Variants in EVL observed in about 807,000 individuals in gnomAD.
EVL encodes the protein ena/VASP-like protein.
In EVL, 21 loss-of-function variants were observed where a neutral mutation model predicts 59.6. That is an observed-to-expected ratio of 0.35 (90% CI 0.25 to 0.51). EVL has a LOEUF of 0.51. EVL is among the 20% of genes least tolerant of loss of function. The probability of loss-of-function intolerance (pLI) is 0.97; values close to 1 mark genes in which losing one functional copy is unlikely to be tolerated. For synonymous variants in EVL, 198 were observed against 203.5 expected (o/e 0.97, Z 0.23); for missense variants, 462 against 546.6 (o/e 0.85, Z 1.54).
At chr14:100,006,469 T>C (rs984838818) in intron 1 of EVL, among the ~76,000 whole-genome samples, 7 of 151,872 alleles carry the variant, frequency 4.6e-5, no homozygotes, top group Non-Finnish European at 7.4e-5. Flanking sequence ...GTATTTTTAG[T>C]AGAGATGGGG....
intron 1 of EVL, among the ~76,000 whole-genome samples, chr14:99,983,580 G>T (rs768054931): frequency 2.6e-5 from 4 of 152,130 alleles, no homozygotes; most frequent in African/African-American, 9.7e-5. Context: ...TCTTTAAAAG[G>T]TTCCAGCACT....
chr14:100,061,387 G>A (rs1413635855), upstream of EVL, among the ~76,000 whole-genome samples: 3 of 98,950 alleles, frequency 3.0e-5, no homozygotes, highest in Non-Finnish European at 3.6e-5. Context: ...TTGGGTGACA[G>A]AGCAAGACCC....
chr14:100,039,731 C>T (rs2061439039), intron 1 of EVL, among the ~76,000 whole-genome samples: 1 of 152,108 alleles, frequency 6.6e-6, no homozygotes, highest in South Asian at 2.1e-4. Context: ...TATATCTTCA[C>T]CCACTCTGTT....
chr14:100,047,841 G>T (rs1208507235), intron 1 of EVL, among the ~76,000 whole-genome samples: 1 of 152,170 alleles, frequency 6.6e-6, no homozygotes, highest in African/African-American at 2.4e-5. Context: ...AGTGATGTTT[G>T]ACAAAGGTAA....
At chr14:99,995,820 G>T (rs753170759) in intron 1 of EVL, among the ~76,000 whole-genome samples, 1 of 152,080 alleles carries the variant, frequency 6.6e-6, no homozygotes, top group Non-Finnish European at 1.5e-5. Flanking sequence ...CTCTATGCAT[G>T]TAATACCCTA....
chr14:100,023,415 TG>T (rs1265889000), intron 1 of EVL, among the ~76,000 whole-genome samples: 10 of 147,948 alleles, frequency 6.8e-5, no homozygotes, highest in African/African-American at 2.2e-4. Context: ...GTTTCGCTCT[TG>T]TCTCGGGCTC....
At chr14:99,995,337 T>G (rs141245400) in intron 1 of EVL, among the ~76,000 whole-genome samples, 1 of 152,250 alleles carries the variant, frequency 6.6e-6, no homozygotes, top group Non-Finnish European at 1.5e-5. Context: ...TTTTTCGTTT[T>G]ATCCCTCTGA....
At chr14:100,113,869 C>A (rs1887159394) in intron 3 of EVL, among the ~76,000 whole-genome samples, 1 of 152,042 alleles carries the variant, frequency 6.6e-6, no homozygotes, top group East Asian at 1.9e-4. Flanking sequence ...GCCTGAGAGG[C>A]CTCCAATCCC....
chr14:100,039,341 A>G (rs1318751683), intron 1 of EVL, among the ~76,000 whole-genome samples: 1 of 152,176 alleles, frequency 6.6e-6, no homozygotes, highest in Non-Finnish European at 1.5e-5. Flanking sequence ...GATTCAAGTG[A>G]TTCTCCTGCC....
chr14:100,102,277 A>T (rs754661632), intron 3 of EVL: 1 of 455,922 alleles, frequency 2.2e-6, no homozygotes, highest in Non-Finnish European at 4.4e-6. Context: ...ACCTTTTGCT[A>T]TATCTGCATA....
chr14:100,029,306 C>G (rs1220392817), intron 1 of EVL, among the ~76,000 whole-genome samples: 2 of 152,210 alleles, frequency 1.3e-5, no homozygotes, highest in African/African-American at 4.8e-5. Flanking sequence ...CAAACATATC[C>G]TCAACTATGT....
At chr14:99,987,439 T>C (rs1211207) in intron 1 of EVL, among the ~76,000 whole-genome samples, 54,675 of 151,956 alleles carry the variant, frequency 0.36, 13,695 homozygotes, top group African/African-American at 0.71. Context: ...GTCAGGAGTT[T>C]GAGACCAGCC....
chr14:100,007,589 T>A (rs193067218), intron 1 of EVL, among the ~76,000 whole-genome samples: 1 of 152,358 alleles, frequency 6.6e-6, no homozygotes, highest in Non-Finnish European at 1.5e-5. Flanking sequence ...ATATAGCTGC[T>A]TGCTGTGAGA....
intron 2 of EVL, among the ~76,000 whole-genome samples, chr14:100,092,254 CAAAA>C (rs1177150394): frequency 6.6e-6 from 1 of 151,830 alleles, no homozygotes; most frequent in East Asian, 1.9e-4. Context: ...TCTAGGGTCT[CAAAA>C]AGAATAGGAA....
intron 1 of EVL, among the ~76,000 whole-genome samples, chr14:100,073,299 G>A (rs946490574): frequency 5.3e-5 from 8 of 150,896 alleles, no homozygotes; most frequent in Admixed American, 1.3e-4. Flanking sequence ...CACTTTGCAC[G>A]TACAGCACTT....
intron 3 of EVL, among the ~76,000 whole-genome samples, chr14:100,120,627 CAGAG>C (rs1021650100): frequency 6.6e-5 from 10 of 152,146 alleles, no homozygotes; most frequent in Non-Finnish European, 1.0e-4. Flanking sequence ...GCACAAAACA[CAGAG>C]AGACAGGAAG....
At chr14:99,985,602 T>C (rs1206014285) in intron 1 of EVL, among the ~76,000 whole-genome samples, 1 of 151,988 alleles carries the variant, frequency 6.6e-6, no homozygotes, top group East Asian at 1.9e-4. Context: ...ACCCCGTCTC[T>C]ACTTAAAATA....
chr14:100,138,194 A>C, intron 11 of EVL: 2 of 290,678 alleles, frequency 6.9e-6, no homozygotes, highest in Non-Finnish European at 1.3e-5. Flanking sequence ...AGCTGTGAGC[A>C]ACAGCTGGAC....
intron 1 of EVL, among the ~76,000 whole-genome samples, chr14:99,992,132 T>C (rs2060879671): frequency 6.6e-6 from 1 of 152,226 alleles, no homozygotes; most frequent in Non-Finnish European, 1.5e-5. Flanking sequence ...TCTGTTCTTC[T>C]GATAATGCTA....
Sources: gnomAD v4.1 joint callset for allele counts (sites outside exome capture counted in the v4.1 genomes callset) on GRCh38, gnomAD v4.1.1 for gene constraint, MANE v1.5 for transcripts, NCBI Gene and HGNC (gene_info 2026-07-23, HGNC 2026-07-21) for gene names.